Variants in XYLT1 observed in about 807,000 individuals in gnomAD.
XYLT1 encodes beta-D-xylosyltransferase 1.
Under a neutral mutation model 91.3 loss-of-function variants are expected in XYLT1, and 36 were observed. That is an observed-to-expected ratio of 0.39 (90% CI 0.30 to 0.52). The LOEUF (loss-of-function observed/expected upper bound fraction) is 0.52, where lower values mean the gene tolerates loss of function less well. XYLT1 is among the 20% of genes least tolerant of loss of function. The pLI is 0.68. For missense variants in XYLT1, 1,242 were observed against 1,284.5 expected (o/e 0.97, Z 0.51); for synonymous variants, 588 against 532.0 (o/e 1.11, Z -1.45).
intron 2 of XYLT1, among the ~76,000 whole-genome samples, chr16:17,346,214 C>T (rs1201439954): frequency 6.6e-6 from 1 of 152,190 alleles, no homozygotes; most frequent in Non-Finnish European, 1.5e-5. Flanking sequence ...CTGCATAGAC[C>T]ATGACCTGCC....
At chr16:17,326,757 G>A (rs2034808856) in intron 2 of XYLT1, among the ~76,000 whole-genome samples, 2 of 151,646 alleles carry the variant, frequency 1.3e-5, no homozygotes, top group African/African-American at 2.4e-5. Context: ...CCGGGGAGGC[G>A]GAGCTTGCAG....
intron 1 of XYLT1, among the ~76,000 whole-genome samples, chr16:17,469,741 TAGG>T (rs1567215201): frequency 6.6e-6 from 1 of 151,884 alleles, no homozygotes; most frequent in African/African-American, 2.4e-5. Flanking sequence ...GACAACCAGC[TAGG>T]AGAAGGAGCC....
intron 3 of XYLT1, among the ~76,000 whole-genome samples, chr16:17,248,528 T>C (rs2033479593): frequency 2.0e-5 from 3 of 152,222 alleles, no homozygotes; most frequent in Admixed American, 2.0e-4. Context: ...ATTAACCTTT[T>C]TGCTTATAGG....
intron 1 of XYLT1, among the ~76,000 whole-genome samples, chr16:17,468,032 C>T (rs1455232639): frequency 1.3e-5 from 2 of 152,208 alleles, no homozygotes; most frequent in African/African-American, 4.8e-5. Flanking sequence ...ACAAACTGCA[C>T]ATTTCAACGG....
rs760688082 is a variant in XYLT1, at chr16:17,454,131, T to TA, written c.363+16302dup. Among the ~76,000 whole-genome samples, 173 of 151,602 alleles carry TA rather than the reference T, an allele frequency of 1.1e-3. 1 individual carries two copies. Among genetic ancestry groups the TA allele is most frequent in the Non-Finnish European group, 1.9e-3 (129 of 67,846 alleles). ...AAAATATAATTGTCAAATCAATTGGTAAAAAAAAAGTAGTTAAATTAATTC... is the reference window on the plus strand; with the variant it reads ...AAAATATAATTGTCAAATCAATTGGTAAAAAAAAAAGTAGTTAAATTAATTC... On this transcript the variant is annotated intron_variant, in intron 1 of 11. Coordinates refer to ENST00000261381, the MANE Select transcript of XYLT1 (RefSeq NM_022166.4).
At chr16:17,143,244 T>G (rs776415406) in intron 6 of XYLT1, among the ~76,000 whole-genome samples, 9 of 152,064 alleles carry the variant, frequency 5.9e-5, no homozygotes, top group Non-Finnish European at 8.8e-5. Context: ...TCATCACCAT[T>G]TTCATTATCA....
intron 1 of XYLT1, among the ~76,000 whole-genome samples, chr16:17,460,839 C>G (rs2036810411): frequency 6.6e-6 from 1 of 152,200 alleles, no homozygotes; most frequent in Admixed American, 6.5e-5. Flanking sequence ...CAAAATCAAA[C>G]CCACCCACGG....
chr16:17,346,743 C>T (rs892067114), intron 2 of XYLT1, among the ~76,000 whole-genome samples: 2 of 152,172 alleles, frequency 1.3e-5, no homozygotes, highest in African/African-American at 4.8e-5. Context: ...ACCAAGAACT[C>T]TCTTTGAGCC....
chr16:17,209,377 T>C (rs1372378388), intron 3 of XYLT1, among the ~76,000 whole-genome samples: 2 of 152,224 alleles, frequency 1.3e-5, no homozygotes, highest in African/African-American at 4.8e-5. Flanking sequence ...TGTATGCATA[T>C]AGCACAATTG....
intron 1 of XYLT1, among the ~76,000 whole-genome samples, chr16:17,375,251 C>A (rs1444500172): frequency 6.6e-6 from 1 of 152,008 alleles, no homozygotes; most frequent in Non-Finnish European, 1.5e-5. Flanking sequence ...TTAATTAATC[C>A]TCGCAACATC....
Position 17,102,463 on chromosome 16 carries a change from G to A in XYLT1, c.*6232C>T, listed in dbSNP as rs920439435. 1 of 152,514 alleles carries A rather than the reference G, an allele frequency of 6.6e-6. No homozygotes were observed. Among genetic ancestry groups the A allele is most frequent in the Non-Finnish European group, 1.5e-5 (1 of 68,008 alleles). 9.4% of individuals were successfully genotyped at this position (152,514 alleles called of 1,614,324 possible). A position where few individuals can be genotyped will look rare whatever the true frequency, so the allele number is the denominator to read the frequency against. Reference sequence around the variant, plus strand: ...TCCACTGTTTTCTGCAAAAAATGTTGCTTTGTCAGACAGAAACAAACTCCC... The same window carrying A: ...TCCACTGTTTTCTGCAAAAAATGTTACTTTGTCAGACAGAAACAAACTCCC... On this transcript the variant is annotated 3_prime_UTR_variant, in exon 12 of 12. Transcript: ENST00000261381.
At chr16:17,217,957 T>TAAA (rs10712419) in intron 3 of XYLT1, among the ~76,000 whole-genome samples, 1 of 144,964 alleles carries the variant, frequency 6.9e-6, no homozygotes. Flanking sequence ...ATAATAATAA[T>TAAA]AAAAAAAAAA....
At chr16:17,449,351 G>A (rs190764936) in intron 1 of XYLT1, among the ~76,000 whole-genome samples, 3 of 152,372 alleles carry the variant, frequency 2.0e-5, no homozygotes, top group Admixed American at 2.0e-4. Flanking sequence ...GCAGCCCCTG[G>A]AGAGGGTAGG....
At chr16:17,219,823 G>A (rs1219772691) in intron 3 of XYLT1, among the ~76,000 whole-genome samples, 10 of 152,094 alleles carry the variant, frequency 6.6e-5, no homozygotes, top group Non-Finnish European at 1.5e-4. Flanking sequence ...GAGGTCAGGA[G>A]TTCGAGACCA....
chr16:17,381,421 C>T (rs867479056), intron 1 of XYLT1, among the ~76,000 whole-genome samples: 11 of 130,120 alleles, frequency 8.5e-5, no homozygotes, highest in South Asian at 4.7e-4. Context: ...AAGGCAACAC[C>T]TTTTTTTTTT....
At chr16:17,151,108 G>A (rs992347418) in intron 6 of XYLT1, among the ~76,000 whole-genome samples, 1 of 152,194 alleles carries the variant, frequency 6.6e-6, no homozygotes, top group Admixed American at 6.5e-5. Context: ...CCCTTAGGGA[G>A]TCAGTGCAGC....
At chr16:17,414,106 C>G (rs1414663608) in intron 1 of XYLT1, among the ~76,000 whole-genome samples, 1 of 151,980 alleles carries the variant, frequency 6.6e-6, no homozygotes, top group Non-Finnish European at 1.5e-5. Flanking sequence ...TGCCTCCAAA[C>G]CAAAAAACCA....
chr16:17,117,794 G>A lies in XYLT1; in HGVS notation c.2409C>T (p.Ala803=), dbSNP rs747507675. Residue 803 remains alanine, a synonymous_variant, in exon 11 of 12, where the codon GCC becomes GCT. Transcript: ENST00000261381. The stretch of plus-strand genomic sequence containing the variant: ...AAGGGGGCTTGTAGTGTGTGAATTC[G>A]GCAGTGGACTCAATGAGGATGTCGT... ...ATYDILIEST[A]EFTHYKPPLN... is the part of the protein sequence containing the mutation. 1.2e-5 allele frequency: 20 copies of A among 1,614,026 alleles called. No individual in the cohort carries two copies. The South Asian group carries it at 1.3e-4, about 11-fold the overall frequency.
At chr16:17,311,720 G>A (rs1040166630) in intron 2 of XYLT1, among the ~76,000 whole-genome samples, 1 of 150,728 alleles carries the variant, frequency 6.6e-6, no homozygotes, top group African/African-American at 2.4e-5. Context: ...ATAAAGGCAT[G>A]CCCGAGACTG....
Sources: gnomAD v4.1 joint callset for allele counts (sites outside exome capture counted in the v4.1 genomes callset) on GRCh38, gnomAD v4.1.1 for gene constraint, MANE v1.5 for transcripts, NCBI Gene and HGNC (gene_info 2026-07-23, HGNC 2026-07-21) for gene names.